Variants in PYGB observed in about 807,000 individuals in gnomAD.
PYGB encodes glycogen phosphorylase, brain form.
A neutral mutation model predicts 94.3 loss-of-function variants in PYGB; 82 were observed. The ratio of observed to expected loss-of-function variants is 0.87; its 90% confidence interval spans 0.73 to 1.04. The LOEUF is 1.04. Ranked by LOEUF, PYGB falls within the 50% of genes least tolerant of loss-of-function variation. The probability of loss-of-function intolerance (pLI) is 0.00; values close to 1 mark genes in which losing one functional copy is unlikely to be tolerated. For missense variants in PYGB, 1,132 were observed against 1,158.2 expected, an observed-to-expected ratio of 0.98 and a Z score of 0.33; for synonymous variants, 488 against 479.1, an observed-to-expected ratio of 1.02 and a Z score of -0.24.
intron 4 of PYGB, among the ~76,000 whole-genome samples, chr20:25,273,448 A>C (rs2088284040): frequency 6.6e-6 from 1 of 152,154 alleles, no homozygotes; most frequent in African/African-American, 2.4e-5. Context: ...AGGAACCATG[A>C]AGAGGAAATC....
At chr20:25,282,196 C>T (rs1365812928) in intron 12 of PYGB, 49 bp downstream of exon 12, 3 of 1,462,340 alleles carry the variant, frequency 2.1e-6, no homozygotes, top group Non-Finnish European at 2.8e-6. Context: ...GGGCTGAGAA[C>T]CGCGGGCCAT....
intron 9 of PYGB, 69 bp from the exon 10 acceptor site, chr20:25,280,197 G>A (rs1057483693): frequency 6.4e-7 from 1 of 1,568,210 alleles, no homozygotes; most frequent in Non-Finnish European, 8.7e-7. Context: ...CGCTCACCCT[G>A]CCTAGGCAAC....
At chr20:25,274,561 G>T in intron 4 of PYGB, 31 bp from the exon 5 acceptor site, 1 of 1,607,544 alleles carries the variant, frequency 6.2e-7, no homozygotes. Flanking sequence ...CATCTGCGCT[G>T]AGGGTGCCCT....
Position 25,290,477 on chromosome 20 carries a change from C to T in PYGB, c.1828-4C>T, listed in dbSNP as rs199700191. The T allele has an allele frequency of 2.5e-6, 4 of 1,601,824 alleles. No individual in the cohort carries two copies. Among genetic ancestry groups the T allele is most frequent in the East Asian group, 2.2e-5 (1 of 44,476 alleles). On this transcript the variant is annotated splice_region_variant and splice_polypyrimidine_tract_variant and intron_variant, in intron 15 of 19. Coordinates refer to ENST00000216962, the MANE Select transcript of PYGB (RefSeq NM_002862.4). The stretch of plus-strand genomic sequence containing the variant: ...TGCTAAAAACCTTCACCCTCTCCTT[C>T]CAGGCAGCGCCCGGTTACCACATGG...
chr20:25,265,522 T>A (rs1260924508), intron 2 of PYGB, among the ~76,000 whole-genome samples: 1 of 152,210 alleles, frequency 6.6e-6, no homozygotes, highest in Non-Finnish European at 1.5e-5. Context: ...TTTGTATATC[T>A]TGTTTGAAGA....
At chr20:25,289,052 G>A (rs925483476) in intron 15 of PYGB, among the ~76,000 whole-genome samples, 2 of 152,214 alleles carry the variant, frequency 1.3e-5, no homozygotes, top group African/African-American at 4.8e-5. Flanking sequence ...GGCCCTAAGT[G>A]AGTCTGGACT....
intron 14 of PYGB, among the ~76,000 whole-genome samples, chr20:25,286,843 C>T (rs926567516): frequency 1.3e-5 from 2 of 152,246 alleles, no homozygotes; most frequent in Admixed American, 1.3e-4. Context: ...ATGACCCTGT[C>T]CCCTGCCCAC....
At chr20:25,280,881 C>T in intron 10 of PYGB, 68 bp from the exon 11 acceptor site, 1 of 1,554,392 alleles carries the variant, frequency 6.4e-7, no homozygotes, top group Non-Finnish European at 8.8e-7. Flanking sequence ...GTCCCCTGGT[C>T]ATGGGGAGTG....
intron 2 of PYGB, among the ~76,000 whole-genome samples, chr20:25,267,534 ATTG>A (rs11468520): frequency 0.43 from 65,514 of 150,700 alleles, 14,935 homozygotes; most frequent in East Asian, 0.92. Flanking sequence ...TTTTTGTGTC[ATTG>A]TTGTTGTTGT....
In PYGB at chr20:25,294,982, C is replaced by T. The variant is rs751242847; in HGVS notation, c.2313-622C>T. 7.4e-6 allele frequency: 12 copies of T among 1,614,102 alleles called. 1 individual carries two copies. Among genetic ancestry groups the T allele is most frequent in the Middle Eastern group, 1.6e-4 (1 of 6,084 alleles). The stretch of plus-strand genomic sequence containing the variant: ...CACCTGTTGGCTTCAGTCACACCAG[C>T]TCTGACCACATGCTGGGATCTGGGC... On this transcript the variant is annotated intron_variant, in intron 18 of 19. Transcript: ENST00000216962.
chr20:25,284,364 GGCGTGT>G, intron 14 of PYGB, 113 bp downstream of exon 14: 1 of 1,384,096 alleles, frequency 7.2e-7, no homozygotes, highest in Non-Finnish European at 9.7e-7. Context: ...TGTGTGTATA[GGCGTGT>G]GCATGTGTGA....
At chr20:25,258,613 G>T (rs530773204) in intron 1 of PYGB, among the ~76,000 whole-genome samples, 1 of 152,376 alleles carries the variant, frequency 6.6e-6, no homozygotes, top group South Asian at 2.1e-4. Flanking sequence ...GGCCCAGGAG[G>T]CACTGCATGG....
intron 2 of PYGB, among the ~76,000 whole-genome samples, chr20:25,265,891 G>A (rs553592708): frequency 2.2e-4 from 33 of 152,240 alleles, no homozygotes; most frequent in Non-Finnish European, 3.2e-4. Context: ...CACCATGCCC[G>A]GCCGATTTTT....
At chr20:25,260,014 T>C (rs565493574) in intron 2 of PYGB, among the ~76,000 whole-genome samples, 1 of 152,004 alleles carries the variant, frequency 6.6e-6, no homozygotes, top group Non-Finnish European at 1.5e-5. Context: ...TTGCTTGGGT[T>C]TGGATGTGTG....
At chr20:25,269,707 G>C (rs1382695980) in intron 3 of PYGB, among the ~76,000 whole-genome samples, 2 of 152,158 alleles carry the variant, frequency 1.3e-5, no homozygotes, top group Non-Finnish European at 2.9e-5. Flanking sequence ...TTCATCAAAT[G>C]CAAAACTGGG....
intron 4 of PYGB, 150 bp downstream of exon 4, chr20:25,271,636 C>A (rs550556964): frequency 9.8e-6 from 8 of 817,224 alleles, no homozygotes; most frequent in Non-Finnish European, 7.8e-6. Flanking sequence ...AGGGTAGCAT[C>A]CTTGCTCCGG....
intron 18 of PYGB, among the ~76,000 whole-genome samples, 178 bp downstream of exon 18, chr20:25,294,470 G>A (rs927803141): frequency 6.6e-6 from 1 of 152,270 alleles, no homozygotes; most frequent in East Asian, 1.9e-4. Flanking sequence ...GGGAGTTTGC[G>A]ATGGCCTCTG....
At chr20:25,278,571 C>T (rs2123566717) in intron 8 of PYGB, 109 bp downstream of exon 8, 1 of 1,416,582 alleles carries the variant, frequency 7.1e-7, no homozygotes, top group East Asian at 2.4e-5. Flanking sequence ...TGGTACATGC[C>T]CCTTGTCTTG....
At chr20:25,275,633 A>G (rs2088304533) in intron 5 of PYGB, among the ~76,000 whole-genome samples, 1 of 152,246 alleles carries the variant, frequency 6.6e-6, no homozygotes, top group African/African-American at 2.4e-5. Flanking sequence ...TTAACTTGCA[A>G]GAGCAGGGTA....
Sources: gnomAD v4.1 joint callset for allele counts (sites outside exome capture counted in the v4.1 genomes callset) on GRCh38, gnomAD v4.1.1 for gene constraint, MANE v1.5 for transcripts, NCBI Gene and HGNC (gene_info 2026-07-23, HGNC 2026-07-21) for gene names.